METTL9: variants seen among roughly 807,000 people sequenced by gnomAD.
The protein encoded by METTL9 is protein-L-histidine N-pros-methyltransferase.
METTL9 carries 10 observed loss-of-function variants against 36.0 expected under a neutral mutation model. The ratio of observed to expected loss-of-function variants is 0.28; its 90% CI spans 0.17 to 0.47. The LOEUF is 0.47. METTL9 is among the 20% of genes least tolerant of loss of function. The pLI is 0.99. For missense variants in METTL9, 246 were observed against 383.5 expected (o/e 0.64, Z 3.00); for synonymous variants, 175 against 149.7 (o/e 1.17, Z -1.23).
At chr16:21,645,432 G>A (rs540922264) in intron 4 of METTL9, among the ~76,000 whole-genome samples, 50 of 152,214 alleles carry the variant, frequency 3.3e-4, no homozygotes, top group African/African-American at 6.7e-4. Flanking sequence ...ACTCCAGCCC[G>A]GGCGACAGAG....
chr16:21,628,956 C>T lies in METTL9; in HGVS notation c.751+3841C>T, dbSNP rs116999112. The stretch of plus-strand genomic sequence containing the variant: ...CGAGGATGGAATGTGGTGGCACGAT[C>T]TTGGCTTACTCACTGCAACCTCCGC... On this transcript the variant is annotated intron_variant, in intron 4 of 4. Transcript: ENST00000358154. Among the ~76,000 whole-genome samples, 1,295 of 146,860 alleles carry T rather than the reference C, an allele frequency of 8.8e-3. 45 individuals are homozygous for T. The highest frequency in any genetic ancestry group is 0.085 in the East Asian group (425 of 4,988).
chr16:21,615,783 A>G (rs1420355778), intron 2 of METTL9, among the ~76,000 whole-genome samples: 1 of 152,114 alleles, frequency 6.6e-6, no homozygotes, highest in South Asian at 2.1e-4. Context: ...TTCTGCTGTG[A>G]CTGGTTTCTG....
intron 4 of METTL9, chr16:21,643,171 GAAAA>G: frequency 6.4e-7 from 1 of 1,564,242 alleles, no homozygotes. Context: ...AGACAAATGA[GAAAA>G]AAAAATTCTC....
chr16:21,625,569 T>C lies in METTL9; in HGVS notation c.751+454T>C, dbSNP rs555564698. On this transcript the variant is annotated intron_variant, in intron 4 of 4. Transcript: ENST00000358154. ...AAATGCTTTTATCTGTTTTTTTCTC[T>C]TTTGAAGACCATGTGTGTTGTTGCA... is the stretch of plus-strand genomic sequence containing the variant. Among the ~76,000 whole-genome samples, 44 of 152,290 alleles carry C rather than the reference T, an allele frequency of 2.9e-4. No homozygotes were observed. In the South Asian group the frequency reaches 9.1e-3, roughly 32 times the overall value.
chr16:21,644,303 A>G, intron 4 of METTL9: 1 of 1,611,664 alleles, frequency 6.2e-7, no homozygotes, highest in Non-Finnish European at 8.5e-7. Flanking sequence ...GGAGAGGAGT[A>G]TGAAGGCCAC....
At chr16:21,609,148 TG>T (rs1965363023) in intron 1 of METTL9, among the ~76,000 whole-genome samples, 1 of 152,180 alleles carries the variant, frequency 6.6e-6, no homozygotes, top group Non-Finnish European at 1.5e-5. Flanking sequence ...AGTGGGTAGC[TG>T]TAACCACTGG....
At chr16:21,646,073 G>A (rs1966418633) in intron 4 of METTL9, among the ~76,000 whole-genome samples, 1 of 152,064 alleles carries the variant, frequency 6.6e-6, no homozygotes, top group Admixed American at 6.5e-5. Flanking sequence ...CCTTCCTAAG[G>A]GAAGAGACCC....
chr16:21,599,634 G>T lies in METTL9; in HGVS notation c.-100G>T, dbSNP rs1597733595. ...CTGGATGGGCAAGGCGGCCGCGATG[G>T]CTCGAGCTCGGGCGGTGGCGGCGGT... On this transcript the variant is annotated 5_prime_UTR_variant, in exon 1 of 5. Coordinates refer to ENST00000358154, the MANE Select transcript of METTL9 (RefSeq NM_016025.5). The surrounding 1 kb of genome is among the most constrained non-coding windows in gnomAD (Gnocchi z 4.4). The T allele has an allele frequency of 2.2e-6, 3 of 1,338,402 alleles. No individual in the cohort carries two copies. Among genetic ancestry groups the T allele is most frequent in the Non-Finnish European group, 1.9e-6 (2 of 1,053,672 alleles). 82.9% of individuals were successfully genotyped at this position (1,338,402 alleles called of 1,614,324 possible).
intron 4 of METTL9, among the ~76,000 whole-genome samples, chr16:21,644,760 C>CCAGTA (rs1454923698): frequency 6.6e-6 from 1 of 152,148 alleles, no homozygotes; most frequent in African/African-American, 2.4e-5. Context: ...AAACGGTTTA[C>CCAGTA]CAGTATCATC....
At chr16:21,642,853 A>G (rs752923084) in intron 4 of METTL9, among the ~76,000 whole-genome samples, 122 of 152,324 alleles carry the variant, frequency 8.0e-4, no homozygotes, top group Non-Finnish European at 1.1e-3. Flanking sequence ...GAAAGTTTCC[A>G]TGTCACTAAG....
chr16:21,644,464 G>A, intron 4 of METTL9: 2 of 1,131,204 alleles, frequency 1.8e-6, no homozygotes, highest in African/African-American at 1.5e-5. Context: ...CATGTGTAAA[G>A]TATCCTTCAC....
intron 4 of METTL9, chr16:21,653,776 C>T (rs963366652): frequency 3.3e-5 from 5 of 152,280 alleles, no homozygotes; most frequent in Admixed American, 6.5e-5. Flanking sequence ...GTCACTGGCT[C>T]TCCATTCCAG....
In METTL9 at chr16:21,599,815, C is replaced by T; in HGVS notation, c.82C>T (p.Leu28Phe). The T allele has an allele frequency of 1.9e-6, 3 of 1,546,320 alleles. No individual in the cohort carries two copies. Among genetic ancestry groups the T allele is most frequent in the Non-Finnish European group, 1.7e-6 (2 of 1,153,122 alleles). ...ARRMWTLRSP[L>F]TRSLYVNMTS... is the part of the protein sequence containing the mutation. ...GAGGATGTGGACGCTGCGGAGCCCG[C>T]TCACCCGCTCCCTGTACGTGAACAT... Residue 28 changes from leucine (L) to phenylalanine (F), a missense_variant, in exon 1 of 5, where the codon CTC becomes TTC. By Grantham distance (22) the Leu-to-Phe change is conservative. Around this residue, in one of 2 missense-constraint regions of METTL9, gnomAD observed 100 missense variants for 81.4 expected, o/e 1.23. Transcript: ENST00000358154. This position sits in a 1 kb window ranked among gnomAD's most constrained non-coding sequence, Gnocchi z 4.4.
At chr16:21,619,816 T>C (rs2152895018) in intron 3 of METTL9, among the ~76,000 whole-genome samples, 1 of 152,178 alleles carries the variant, frequency 6.6e-6, no homozygotes. Context: ...ATCAGGGAGG[T>C]AGAGCTGGAG....
At chr16:21,638,432 G>GT (rs1334826070) in intron 4 of METTL9, among the ~76,000 whole-genome samples, 1 of 152,214 alleles carries the variant, frequency 6.6e-6, no homozygotes, top group Non-Finnish European at 1.5e-5. Flanking sequence ...AAGCTTCATG[G>GT]TGAGGGACTG....
intron 4 of METTL9, among the ~76,000 whole-genome samples, chr16:21,625,919 A>G (rs1965804406): frequency 6.6e-6 from 1 of 152,032 alleles, no homozygotes; most frequent in Admixed American, 6.6e-5. Flanking sequence ...TTTTTTTGAG[A>G]CAGAGCCTTG....
chr16:21,630,095 C>A (rs576429014), intron 4 of METTL9, among the ~76,000 whole-genome samples: 4 of 152,322 alleles, frequency 2.6e-5, no homozygotes, highest in African/African-American at 7.2e-5. Context: ...CATTTACAAA[C>A]CTTTAGCTAG....
In METTL9 at chr16:21,601,498, C is replaced by G. The variant is rs768636738; in HGVS notation, c.165+1600C>G. Among the ~76,000 whole-genome samples the G allele has an allele frequency of 2.0e-4, 31 of 152,096 alleles. 1 individual carries two copies. The highest frequency in any genetic ancestry group is 3.5e-4 in the Non-Finnish European group (24 of 68,024). The stretch of plus-strand genomic sequence containing the variant: ...ATCATGATTACCCCTACTGCAGCCA[C>G]TTGGTAGGTTTTTAGTGCTCATAAA... On this transcript the variant is annotated intron_variant, in intron 1 of 4. Coordinates refer to ENST00000358154, the MANE Select transcript of METTL9 (RefSeq NM_016025.5).
intron 4 of METTL9, among the ~76,000 whole-genome samples, chr16:21,651,291 C>G (rs929489065): frequency 1.3e-5 from 2 of 152,080 alleles, no homozygotes; most frequent in Non-Finnish European, 2.9e-5. Context: ...AAAGCTGTCT[C>G]TCTATCTAGT....
Sources: allele counts gnomAD v4.1 joint callset (sites outside exome capture counted in the v4.1 genomes callset), GRCh38; gene constraint gnomAD v4.1.1; regional missense constraint gnomAD v4.1.1; non-coding constraint Gnocchi (gnomAD v3.1); transcripts MANE v1.5; gene names NCBI Gene and HGNC (gene_info 2026-07-23, HGNC 2026-07-21).